Variants in GNG7 observed in about 807,000 individuals in gnomAD.
The protein encoded by GNG7 is guanine nucleotide-binding protein G(I)/G(S)/G(O) subunit gamma-7.
GNG7 carries 1 observed loss-of-function variant against 4.0 expected under a neutral mutation model. That is an observed-to-expected ratio of 0.25 (90% CI 0.09 to 1.18). The LOEUF is 1.18. GNG7 is among the 50% of genes most tolerant of loss of function. The probability of loss-of-function intolerance (pLI) is 0.50; values close to 1 mark genes in which losing one functional copy is unlikely to be tolerated. For synonymous variants in GNG7, 34 were observed against 36.9 expected (o/e 0.92, Z 0.29); for missense variants, 86 against 91.9 (o/e 0.94, Z 0.26).
chr19:2,640,049 G>A (rs1301020232), intron 2 of GNG7, among the ~76,000 whole-genome samples: 7 of 101,390 alleles, frequency 6.9e-5, no homozygotes, highest in African/African-American at 2.7e-4. Flanking sequence ...AAGGAAGAAA[G>A]GAAGGAAGGA....
At position 2,681,749 on chromosome 19, in the gene GNG7, G is replaced by A. The variant is rs575773144; in HGVS notation, c.-135+20897C>T. Among the ~76,000 whole-genome samples the A allele has an allele frequency of 2.6e-5, 4 of 152,192 alleles. No individual in the cohort carries two copies. In the South Asian group the frequency reaches 8.3e-4, roughly 32 times the overall value. On this transcript the variant is annotated intron_variant, in intron 1 of 4. Coordinates refer to ENST00000382159, the MANE Select transcript of GNG7 (RefSeq NM_052847.3). ...CCAGCAGCGACGCATGAGGATCCCCGTGTCTCTACCTCCCCGTGAGCCCTT... is the reference window on the plus strand; with the variant it reads ...CCAGCAGCGACGCATGAGGATCCCCATGTCTCTACCTCCCCGTGAGCCCTT...
intron 1 of GNG7, among the ~76,000 whole-genome samples, chr19:2,655,435 G>A (rs574169204): frequency 2.4e-4 from 36 of 152,114 alleles, no homozygotes; most frequent in African/African-American, 7.7e-4. Context: ...AAAGATGGCC[G>A]GGTGCGGTGG....
In GNG7 at chr19:2,614,733, G is replaced by A. The variant is rs746197914; in HGVS notation, c.-78+31491C>T. Among the ~76,000 whole-genome samples, 2 of 152,168 alleles carry A rather than the reference G, an allele frequency of 1.3e-5. No individual in the cohort carries two copies. The highest frequency in any genetic ancestry group is 2.4e-5 in the African/African-American group (1 of 41,430). On this transcript the variant is annotated intron_variant, in intron 2 of 4. Transcript: ENST00000382159. This position sits in a 1 kb window ranked among gnomAD's most constrained non-coding sequence, Gnocchi z 6.0. ...TTCCACCTTTTAGCCATTGTGAATC[G>A]TACTGTATGAACATTTGTGGCAAGG...
rs1018507290 is a variant in GNG7, at chr19:2,634,139, C to A, written c.-78+12085G>T. 5.3e-5 allele frequency among the ~76,000 whole-genome samples: 8 copies of A among 152,310 alleles called. No homozygotes were observed. In the South Asian group the frequency reaches 1.7e-3, roughly 32 times the overall value. ...GTCCTCCTGGTTTACACCGTCTGCC[C>A]CACTGGGCGTTTATGGTGCCTATCA... On this transcript the variant is annotated intron_variant, in intron 2 of 4. Coordinates refer to ENST00000382159, the MANE Select transcript of GNG7 (RefSeq NM_052847.3). This position sits in a 1 kb window ranked among gnomAD's most constrained non-coding sequence, Gnocchi z 5.3.
intron 3 of GNG7, among the ~76,000 whole-genome samples, chr19:2,522,366 G>T (rs531699563): frequency 3.9e-5 from 6 of 152,126 alleles, no homozygotes; most frequent in African/African-American, 9.7e-5. Context: ...TAATTAAGCC[G>T]CACCCTGTCT....
intron 1 of GNG7, among the ~76,000 whole-genome samples, chr19:2,684,984 C>T (rs767526708): frequency 4.6e-5 from 7 of 152,072 alleles, no homozygotes; most frequent in Non-Finnish European, 8.8e-5. Context: ...ATTAGACAGG[C>T]GTGGCGGCAC....
chr19:2,543,437 C>A (rs192572674), intron 3 of GNG7, among the ~76,000 whole-genome samples: 1 of 152,098 alleles, frequency 6.6e-6, no homozygotes, highest in Admixed American at 6.6e-5. Context: ...ATTGCTCAGG[C>A]CAGTCTCAAA....
intron 2 of GNG7, among the ~76,000 whole-genome samples, chr19:2,594,405 GGGAA>G (rs36015482): frequency 0.058 from 7,900 of 136,780 alleles, 234 homozygotes; most frequent in African/African-American, 0.064. Context: ...GAAAGAAGGA[GGGAA>G]GGAAGGAAGG....
chr19:2,596,511 A>T (rs1005058847), intron 2 of GNG7, among the ~76,000 whole-genome samples: 2 of 151,344 alleles, frequency 1.3e-5, no homozygotes, highest in Admixed American at 1.3e-4. Context: ...AATTAAAATT[A>T]AAAAAAAATT....
At chr19:2,592,738 A>AGGAAG (rs1980880805) in intron 2 of GNG7, among the ~76,000 whole-genome samples, 4 of 6,294 alleles carry the variant, frequency 6.4e-4, no homozygotes, top group African/African-American at 2.7e-3. Context: ...AGGAGAGGGA[A>AGGAAG]GGAAGGGGAG....
intron 3 of GNG7, among the ~76,000 whole-genome samples, chr19:2,524,422 C>A (rs889829691): frequency 1.8e-4 from 27 of 152,168 alleles, no homozygotes; most frequent in Non-Finnish European, 3.5e-4. Flanking sequence ...TCAGTGTGCA[C>A]ATGTGTATGT....
chr19:2,566,697 G>A (rs990703495), intron 2 of GNG7, among the ~76,000 whole-genome samples: 12 of 152,168 alleles, frequency 7.9e-5, no homozygotes, highest in African/African-American at 4.8e-5. Flanking sequence ...GGCTTTGTGG[G>A]TCAGATGGTC....
chr19:2,677,866 C>T lies in GNG7; in HGVS notation c.-135+24780G>A, dbSNP rs148034357. Among the ~76,000 whole-genome samples the T allele has an allele frequency of 1.2e-3, 188 of 152,192 alleles. 1 individual carries two copies. Among genetic ancestry groups the T allele is most frequent in the Admixed American group, 0.012 (178 of 15,290 alleles). ...GGACGCTGCTCAGCACCCTACAGTG[C>T]CCAGGATGGCCCCACCTCAGAGAAC... On this transcript the variant is annotated intron_variant, in intron 1 of 4. Transcript: ENST00000382159.
intron 3 of GNG7, among the ~76,000 whole-genome samples, chr19:2,532,459 C>T (rs1383266063): frequency 6.6e-6 from 1 of 152,044 alleles, no homozygotes; most frequent in Admixed American, 6.5e-5. Flanking sequence ...AAAGAAACTA[C>T]AGAAGAAAGA....
chr19:2,606,447 G>A (rs781572415), intron 2 of GNG7, among the ~76,000 whole-genome samples: 116 of 152,072 alleles, frequency 7.6e-4, no homozygotes, highest in Non-Finnish European at 1.4e-3. Context: ...CTGAGGTCAG[G>A]AGTTCGAGAC....
intron 1 of GNG7, among the ~76,000 whole-genome samples, 186 bp downstream of exon 1, chr19:2,702,460 C>G (rs1341796936): frequency 2.8e-5 from 4 of 143,382 alleles, no homozygotes; most frequent in East Asian, 2.0e-4. Context: ...ACCCCCTAAG[C>G]GCAGCCCCGT....
chr19:2,637,217 C>CCCG lies in GNG7; in HGVS notation c.-78+9006_-78+9007insCGG, dbSNP rs386388382. Among the ~76,000 whole-genome samples, 9 of 152,010 alleles carry CCCG rather than the reference C, an allele frequency of 5.9e-5. No homozygotes were observed. The East Asian group carries it at 1.4e-3, about 23-fold the overall frequency. ...CAGAGGCCCCAGGAACAGGCTCCCCCCGCCCCCGAGCCCGGCCCGTCTTTG... is the reference window on the plus strand; with the variant it reads ...CAGAGGCCCCAGGAACAGGCTCCCCCCCGCGCCCCCGAGCCCGGCCCGTCTTTG... On this transcript the variant is annotated intron_variant, in intron 2 of 4. Coordinates refer to ENST00000382159, the MANE Select transcript of GNG7 (RefSeq NM_052847.3).
intron 2 of GNG7, among the ~76,000 whole-genome samples, chr19:2,574,693 A>G (rs955349644): frequency 6.6e-6 from 1 of 152,106 alleles, no homozygotes; most frequent in Non-Finnish European, 1.5e-5. Context: ...TTGTGTGTGC[A>G]AACACCTCTT....
rs1981566090 is a variant in GNG7, at chr19:2,611,587, A to C, written c.-78+34637T>G. Reference sequence around the variant, plus strand: ...TGCAATGGCTCACGCCTGTAATCCCAGCACTTGGAGAGGCCAAGGTGGGAG... The same window carrying C: ...TGCAATGGCTCACGCCTGTAATCCCCGCACTTGGAGAGGCCAAGGTGGGAG... On this transcript the variant is annotated intron_variant, in intron 2 of 4. Coordinates refer to ENST00000382159, the MANE Select transcript of GNG7 (RefSeq NM_052847.3). The surrounding 1 kb of genome is among the most constrained non-coding windows in gnomAD (Gnocchi z 6.0). 6.6e-6 allele frequency: 1 copy of C among 152,256 alleles called. No homozygotes were observed. Among genetic ancestry groups the C allele is most frequent in the Non-Finnish European group, 1.5e-5 (1 of 68,066 alleles). The allele number at this position is 152,256 out of a possible 1,614,324, so 9.4% of individuals were successfully genotyped here.
Sources: allele counts gnomAD v4.1 joint callset (sites outside exome capture counted in the v4.1 genomes callset), GRCh38; gene constraint gnomAD v4.1.1; non-coding constraint Gnocchi (gnomAD v3.1); transcripts MANE v1.5; gene names NCBI Gene and HGNC (gene_info 2026-07-23, HGNC 2026-07-21).